RNF128: variants seen among roughly 807,000 people sequenced by gnomAD.
RNF128 encodes the protein E3 ubiquitin-protein ligase RNF128.
Under a neutral mutation model 26.2 loss-of-function variants are expected in RNF128, and 13 were observed. The ratio of observed to expected loss-of-function variants is 0.50; its 90% CI spans 0.32 to 0.79. RNF128 has a LOEUF of 0.79. RNF128 is among the 30% of genes least tolerant of loss of function. The pLI is 0.03. For missense variants in RNF128, 315 were observed against 349.7 expected (o/e 0.90, Z 0.79); for synonymous variants, 149 against 142.5 (o/e 1.05, Z -0.32).
intron 3 of RNF128, among the ~76,000 whole-genome samples, chrX:106,785,689 T>C (rs1196749892): frequency 8.9e-6 from 1 of 112,199 alleles, no homozygotes; most frequent in African/African-American, 3.2e-5. Flanking sequence ...TTGTGTTGTT[T>C]TAAGCCACTG....
intron 1 of RNF128, among the ~76,000 whole-genome samples, chrX:106,729,637 A>G (rs1929469943): frequency 9.0e-6 from 1 of 111,442 alleles, no homozygotes; most frequent in Non-Finnish European, 1.9e-5. Context: ...AAGCATTTTG[A>G]TACTTTAAAA....
intron 1 of RNF128, among the ~76,000 whole-genome samples, chrX:106,712,988 C>T (rs1208207132): frequency 9.4e-6 from 1 of 106,323 alleles, no homozygotes; most frequent in Non-Finnish European, 1.9e-5. Context: ...TCAAACGATT[C>T]TCCCGCCTCA....
chrX:106,753,159 A>G (rs1295175027), intron 1 of RNF128, among the ~76,000 whole-genome samples: 4 of 111,904 alleles, frequency 3.6e-5, no homozygotes, highest in East Asian at 2.8e-4. Flanking sequence ...GAATAATATT[A>G]TAACACTGTA....
At chrX:106,697,517 C>G (rs1928892724) in intron 1 of RNF128, among the ~76,000 whole-genome samples, 1 of 111,689 alleles carries the variant, frequency 9.0e-6, no homozygotes. Context: ...CTACTTCACC[C>G]ACCCTCGTAC....
chrX:106,746,202 C>T (rs1002579067), intron 1 of RNF128, among the ~76,000 whole-genome samples: 1 of 110,534 alleles, frequency 9.0e-6, no homozygotes, highest in African/African-American at 3.3e-5. Flanking sequence ...TTATTATTCT[C>T]ATTGTGAATA....
intron 6 of RNF128, among the ~76,000 whole-genome samples, chrX:106,791,555 A>G (rs1930826558): frequency 9.0e-6 from 1 of 111,318 alleles, no homozygotes; most frequent in African/African-American, 3.3e-5. Context: ...TTTAGGAGCC[A>G]TTGTTTATTG....
chrX:106,756,653 T>A (rs1414687137), intron 1 of RNF128, among the ~76,000 whole-genome samples: 3 of 109,791 alleles, frequency 2.7e-5, no homozygotes, highest in Admixed American at 9.7e-5. Context: ...AACCTAGGCA[T>A]TACCATTCAG....
intron 2 of RNF128, 49 bp downstream of exon 2, chrX:106,773,209 A>G (rs1484030122): frequency 2.2e-5 from 25 of 1,132,989 alleles, no homozygotes; most frequent in Non-Finnish European, 2.7e-5. Context: ...TACTGTTCTA[A>G]TTGTAGTTTC....
At chrX:106,781,858 A>C (rs1445222754) in intron 2 of RNF128, among the ~76,000 whole-genome samples, 1 of 110,420 alleles carries the variant, frequency 9.1e-6, no homozygotes, top group East Asian at 2.8e-4. Context: ...CTGTTTTTTT[A>C]TTTTTTGTAT....
At chrX:106,777,449 T>A (rs1312948400) in intron 2 of RNF128, among the ~76,000 whole-genome samples, 1 of 112,209 alleles carries the variant, frequency 8.9e-6, no homozygotes, top group African/African-American at 3.2e-5. Context: ...TTAGATAGAC[T>A]TGTGTTGTTC....
intron 1 of RNF128, among the ~76,000 whole-genome samples, chrX:106,763,758 C>T (rs1167389254): frequency 8.9e-6 from 1 of 111,859 alleles, no homozygotes; most frequent in Admixed American, 9.4e-5. Context: ...CGCCCGCCTC[C>T]TCGGCCTCCC....
chrX:106,748,575 G>T (rs112418526), intron 1 of RNF128, among the ~76,000 whole-genome samples: 1 of 111,993 alleles, frequency 8.9e-6, no homozygotes, highest in African/African-American at 3.2e-5. Context: ...TGTACACAAT[G>T]GAATACTATA....
chrX:106,724,900 A>G (rs1484319913), upstream of RNF128, among the ~76,000 whole-genome samples: 7 of 112,378 alleles, frequency 6.2e-5, no homozygotes, highest in Non-Finnish European at 1.1e-4. Flanking sequence ...TTGATTTTGC[A>G]CCACAATGCT....
chrX:106,769,546 G>GTTTTTTTTT (rs752900867), intron 1 of RNF128, among the ~76,000 whole-genome samples: 2 of 65,112 alleles, frequency 3.1e-5, no homozygotes, highest in Non-Finnish European at 5.4e-5. Flanking sequence ...CACCTGCTTT[G>GTTTTTTTTT]TTTTTTTTTT....
upstream of RNF128, among the ~76,000 whole-genome samples, chrX:106,724,671 G>C (rs965586787): frequency 3.6e-5 from 4 of 111,683 alleles, no homozygotes; most frequent in African/African-American, 1.3e-4. Context: ...AAAGTTTACT[G>C]TCTCAAACTC....
chrX:106,717,679 C>A (rs1198939154), intron 1 of RNF128, among the ~76,000 whole-genome samples: 1 of 111,887 alleles, frequency 8.9e-6, no homozygotes, highest in East Asian at 2.8e-4. Flanking sequence ...AATTATAATA[C>A]CTCTATGCCC....
At chrX:106,741,122 T>G (rs1288314997) in intron 1 of RNF128, among the ~76,000 whole-genome samples, 3 of 111,976 alleles carry the variant, frequency 2.7e-5, no homozygotes, top group Non-Finnish European at 5.6e-5. Context: ...CATAAAAATT[T>G]TAATATAATT....
At chrX:106,701,290 A>AGTGCT (rs1337155501) in intron 1 of RNF128, among the ~76,000 whole-genome samples, 1 of 111,689 alleles carries the variant, frequency 9.0e-6, no homozygotes, top group African/African-American at 3.3e-5. Context: ...TTTACTAAAA[A>AGTGCT]GTGCTCCCAC....
At chrX:106,763,974 G>GT (rs1930168431) in intron 1 of RNF128, among the ~76,000 whole-genome samples, 1 of 91,330 alleles carries the variant, frequency 1.1e-5, no homozygotes, top group Non-Finnish European at 1.9e-5. Flanking sequence ...TTTTGTTTTT[G>GT]TTTTTTGAGA....
Sources: allele counts gnomAD v4.1 joint callset (sites outside exome capture counted in the v4.1 genomes callset), GRCh38; gene constraint gnomAD v4.1.1; transcripts MANE v1.5; gene names NCBI Gene and HGNC (gene_info 2026-07-23, HGNC 2026-07-21).